RGS12: variants seen among roughly 807,000 people sequenced by gnomAD.
RGS12 encodes the protein regulator of G-protein signaling 12.
In RGS12, 66 loss-of-function variants were observed where a neutral mutation model predicts 120.1. The observed-to-expected ratio is 0.55, with a 90% CI of 0.45 to 0.67. The LOEUF is 0.67. RGS12 is among the 30% of genes least tolerant of loss of function. The pLI, the probability that RGS12 is intolerant of heterozygous loss-of-function variation, is 0.00. For synonymous variants in RGS12, 827 were observed against 804.7 expected (o/e 1.03, Z -0.47); for missense variants, 1,859 against 1,957.7 (o/e 0.95, Z 0.95).
intron 3 of RGS12, among the ~76,000 whole-genome samples, chr4:3,383,306 A>G (rs1400018027): frequency 6.6e-6 from 1 of 151,978 alleles, no homozygotes; most frequent in Non-Finnish European, 1.5e-5. Context: ...GAGTAGCGGT[A>G]TATTAAAAAG....
chr4:3,317,303 C>T lies in RGS12; in HGVS notation c.1133C>T (p.Ser378Phe), dbSNP rs1241544894. 1.9e-6 allele frequency: 3 copies of T among 1,614,040 alleles called. No homozygotes were observed. Among genetic ancestry groups the T allele is most frequent in the Non-Finnish European group, 2.5e-6 (3 of 1,180,050 alleles). The part of the protein sequence containing the change: ...DTNGCLEFPA[S>F]SLPVLQFISV... ...AATGGCTGTCTGGAATTCCCGGCGTCCTCCCTCCCCGTCCTGCAGTTCATC... is the reference window on the plus strand; with the variant it reads ...AATGGCTGTCTGGAATTCCCGGCGTTCTCCCTCCCCGTCCTGCAGTTCATC... The change falls in exon 2 of 18, where the codon TCC becomes TTC. Residue 378 changes from serine (S) to phenylalanine (F), a missense_variant. Coordinates refer to ENST00000336727, the MANE Select transcript of RGS12 (RefSeq NM_001394154.1).
At chr4:3,321,718 C>CA in intron 2 of RGS12, among the ~76,000 whole-genome samples, 1 of 152,346 alleles carries the variant, frequency 6.6e-6, no homozygotes, top group Admixed American at 6.5e-5. Flanking sequence ...CTCCTCCCCC[C>CA]AGTGGACTGC....
chr4:3,434,295 C>A (rs1360078029), intron 17 of RGS12, among the ~76,000 whole-genome samples: 2 of 152,164 alleles, frequency 1.3e-5, no homozygotes, highest in Non-Finnish European at 2.9e-5. Context: ...GACCTGCCCC[C>A]ATGATCCAGT....
chr4:3,327,025 C>T (rs1161638959), intron 2 of RGS12, among the ~76,000 whole-genome samples: 1 of 152,130 alleles, frequency 6.6e-6, no homozygotes, highest in African/African-American at 2.4e-5. Flanking sequence ...GCAAAAAGAA[C>T]AAAGCTGGAG....
intron 16 of RGS12, among the ~76,000 whole-genome samples, chr4:3,429,489 C>T (rs1198689275): frequency 6.6e-6 from 1 of 152,204 alleles, no homozygotes; most frequent in Non-Finnish European, 1.5e-5. Flanking sequence ...GTAAATCACA[C>T]GCCCTCTTTG....
chr4:3,428,198 C>T (rs761395348), intron 15 of RGS12, 29 bp downstream of exon 15: 89 of 1,592,554 alleles, frequency 5.6e-5, no homozygotes, highest in Non-Finnish European at 7.1e-5. Flanking sequence ...CCACCCTGTG[C>T]CCTGCTCCTC....
chr4:3,317,005 G>A lies in RGS12; in HGVS notation c.835G>A (p.Asp279Asn), dbSNP rs755983318. The change falls in exon 2 of 18, where the codon GAC becomes AAC. Residue 279 changes from aspartate (D) to asparagine (N), a missense_variant. Asp to Asn is a conservative substitution (Grantham distance 23). Around this residue, in one of 3 missense-constraint regions of RGS12, gnomAD observed 967 missense variants for 994.2 expected, o/e 0.97. Coordinates refer to ENST00000336727, the MANE Select transcript of RGS12 (RefSeq NM_001394154.1). The part of the protein sequence containing the change: ...HSLVTMKIMH[D>N]CVQLSTDKAG... ...GCTGGTGACCATGAAGATCATGCAC[G>A]ACTGTGTGCAGCTGAGCACTGACAA... 6 of 1,613,614 alleles carry A rather than the reference G, an allele frequency of 3.7e-6. No homozygotes were observed. Among genetic ancestry groups the A allele is most frequent in the South Asian group, 2.2e-5 (2 of 91,072 alleles).
At chr4:3,305,556 AACCACAGCC>A (rs1480203550) in intron 1 of RGS12, among the ~76,000 whole-genome samples, 3 of 152,158 alleles carry the variant, frequency 2.0e-5, no homozygotes, top group African/African-American at 7.2e-5. Flanking sequence ...CAGCTCATCC[AACCACAGCC>A]ACGGTGCCAT....
At chr4:3,345,257 T>A (rs752271720) in intron 3 of RGS12, among the ~76,000 whole-genome samples, 3 of 152,160 alleles carry the variant, frequency 2.0e-5, no homozygotes, top group African/African-American at 4.8e-5. Flanking sequence ...AGGTTGTGGT[T>A]TTGCAGTCTT....
intron 2 of RGS12, among the ~76,000 whole-genome samples, chr4:3,340,269 C>T (rs936307554): frequency 5.3e-5 from 8 of 152,222 alleles, no homozygotes; most frequent in South Asian, 4.1e-4. Flanking sequence ...CAGCATCAGA[C>T]GAAGCGAAGG....
chr4:3,424,051 C>G (rs939190346), intron 13 of RGS12, among the ~76,000 whole-genome samples: 1 of 152,242 alleles, frequency 6.6e-6, no homozygotes, highest in Non-Finnish European at 1.5e-5. Context: ...ATGGAGATGT[C>G]CTGATTCTCA....
In RGS12 at chr4:3,430,686, C is replaced by A; in HGVS notation, c.3845C>A (p.Pro1282His). 1 of 1,579,600 alleles carries A rather than the reference C, an allele frequency of 6.3e-7. No individual in the cohort carries two copies. The highest frequency in any genetic ancestry group is 2.3e-5 in the East Asian group (1 of 44,176). The change falls in exon 17 of 18, where the codon CCT (proline) becomes CAT (histidine). Residue 1282 changes from proline (P) to histidine (H), a missense_variant. Coordinates refer to ENST00000336727, the MANE Select transcript of RGS12 (RefSeq NM_001394154.1). ...AGCCCGGGCTCAGCCTCCAGCCCCC[C>A]TGGACCTCCTGGGACGACCCCCCCC... ...STSPGSASSPPGPPGTTPPGQ... is the reference protein window; with the variant it reads ...STSPGSASSPHGPPGTTPPGQ...
rs774114754 is a variant in RGS12 at position 3,430,720 on chromosome 4, G to T, written c.3879G>T (p.Lys1293Asn). ...CTGGGACGACCCCCCCCGGGCAGAA[G>T]TCTCCCAGCGGGCCCTTCTGCACTC... ...GPPGTTPPGQKSPSGPFCTPQ... is the reference protein window; with the variant it reads ...GPPGTTPPGQNSPSGPFCTPQ... The change falls in exon 17 of 18, where the codon AAG becomes AAT. Residue 1293 changes from lysine to asparagine, a missense_variant. Transcript: ENST00000336727. 1.9e-6 allele frequency: 3 copies of T among 1,590,890 alleles called. No individual in the cohort carries two copies. The highest frequency in any genetic ancestry group is 2.6e-6 in the Non-Finnish European group (3 of 1,168,214).
chr4:3,327,000 C>A (rs1031121047), intron 2 of RGS12, among the ~76,000 whole-genome samples: 1 of 152,130 alleles, frequency 6.6e-6, no homozygotes, highest in Admixed American at 6.5e-5. Flanking sequence ...GCCTGAATAG[C>A]CAAAGCAATT....
In RGS12 at chr4:3,374,029, G is replaced by T. The variant is rs1717351185; in HGVS notation, c.1999-12387G>T. The stretch of plus-strand genomic sequence containing the variant: ...CCAAAAACCCCCAGCCCTTTCCCCT[G>T]GGTCCTGAGGAGGAAGGCAGCGAGC... On this transcript the variant is annotated intron_variant, in intron 3 of 17. Coordinates refer to ENST00000336727, the MANE Select transcript of RGS12 (RefSeq NM_001394154.1). The surrounding 1 kb of genome is among the most constrained non-coding windows in gnomAD (Gnocchi z 6.3). Among the ~76,000 whole-genome samples, 1 of 152,208 alleles carries T rather than the reference G, an allele frequency of 6.6e-6. No homozygotes were observed. Among genetic ancestry groups the T allele is most frequent in the Admixed American group, 6.5e-5 (1 of 15,284 alleles).
chr4:3,338,958 G>A (rs1388223432), intron 2 of RGS12, among the ~76,000 whole-genome samples: 2 of 152,172 alleles, frequency 1.3e-5, no homozygotes, highest in Admixed American at 6.5e-5. Context: ...AGTAAACGCT[G>A]GTCTCTCCCT....
chr4:3,292,696 C>A (rs1286949644), upstream of RGS12, among the ~76,000 whole-genome samples: 2 of 152,224 alleles, frequency 1.3e-5, no homozygotes, highest in African/African-American at 4.8e-5. Context: ...AACCAGCTTG[C>A]GGGAACGCAG....
At chr4:3,367,373 G>A (rs1381863831) in intron 3 of RGS12, among the ~76,000 whole-genome samples, 2 of 152,274 alleles carry the variant, frequency 1.3e-5, no homozygotes, top group Non-Finnish European at 2.9e-5. Context: ...CCTGTGCAGC[G>A]CATGATCGGG....
At chr4:3,373,100 A>T (rs186484840) in intron 3 of RGS12, among the ~76,000 whole-genome samples, 2 of 152,222 alleles carry the variant, frequency 1.3e-5, no homozygotes, top group Admixed American at 6.5e-5. Flanking sequence ...AGAGGGCAGG[A>T]CCCGTGTTGG....
Sources: allele counts gnomAD v4.1 joint callset (sites outside exome capture counted in the v4.1 genomes callset), GRCh38; gene constraint gnomAD v4.1.1; regional missense constraint gnomAD v4.1.1; non-coding constraint Gnocchi (gnomAD v3.1); transcripts MANE v1.5; gene names NCBI Gene and HGNC (gene_info 2026-07-23, HGNC 2026-07-21).